The following FAM234B variants were observed in gnomAD, a reference collection of about 807,000 sequenced individuals.
FAM234B encodes the protein family with sequence similarity 234 member B, also known as protein FAM234B.
A neutral mutation model predicts 69.3 loss-of-function variants in FAM234B; 33 were observed. The ratio of observed to expected loss-of-function variants is 0.48; its 90% CI spans 0.36 to 0.64. FAM234B has a LOEUF of 0.64. Among genes scored for constraint, FAM234B ranks in the 30% least tolerant of loss-of-function variants. The probability of loss-of-function intolerance (pLI) is 0.00; values close to 1 mark genes in which losing one functional copy is unlikely to be tolerated. For missense variants in FAM234B, 697 were observed against 769.7 expected, an observed-to-expected ratio of 0.91 and a Z score of 1.12; for synonymous variants, 306 against 306.9, an observed-to-expected ratio of 1.00 and a Z score of 0.03.
Position 13,067,184 on chromosome 12 carries a change from A to G in FAM234B, c.1030A>G (p.Ile344Val). ...TATACAAGCTGTCGCACTGCGGGAC[A>G]TTTTTGTTCAGGCCCAAAATCGAGA... Reference protein sequence around the residue: ...GNIQAVALRDIFVQAQNRDSS... With the variant: ...GNIQAVALRDVFVQAQNRDSS... The change falls in exon 7 of 13, where the codon ATT becomes GTT. Residue 344 changes from isoleucine to valine, a missense_variant. Transcript: ENST00000197268. The surrounding 1 kb of genome is among the most constrained non-coding windows in gnomAD (Gnocchi z 4.7). The G allele has an allele frequency of 6.2e-7, 1 of 1,614,032 alleles. No individual in the cohort carries two copies. The highest frequency in any genetic ancestry group is 8.5e-7 in the Non-Finnish European group (1 of 1,179,920).
At chr12:13,048,774 C>A (rs985151795) in intron 1 of FAM234B, among the ~76,000 whole-genome samples, 34 of 152,132 alleles carry the variant, frequency 2.2e-4, no homozygotes, top group African/African-American at 8.2e-4. Flanking sequence ...TGAGACGAGG[C>A]AATTTATAAA....
intron 4 of FAM234B, chr12:13,062,123 A>G (rs1445185317): frequency 5.8e-6 from 1 of 171,110 alleles, no homozygotes; most frequent in East Asian, 1.6e-4. Flanking sequence ...GGCATTAACT[A>G]CTTAAAAAAA....
At position 13,079,802 on chromosome 12, in the gene FAM234B, C is replaced by T; in HGVS notation, c.1656C>T (p.Asp552=). 6.2e-7 allele frequency: 1 copy of T among 1,613,074 alleles called. No individual in the cohort carries two copies. The highest frequency in any genetic ancestry group is 1.3e-5 in the African/African-American group (1 of 74,994). The change falls in exon 12 of 13, where the codon GAC becomes GAT. Residue 552 remains aspartate (D), a synonymous_variant. Coordinates refer to ENST00000197268, the MANE Select transcript of FAM234B (RefSeq NM_020853.2). The part of the protein sequence containing the change: ...TVTASEVGIN[D]LWKDAFYVTR... ...GTCCTTCCTCAGTTGGAATTAACGA[C>T]CTCTGGAAAGATGCCTTTTATGTTA...
intron 1 of FAM234B, among the ~76,000 whole-genome samples, chr12:13,051,550 CGTTATAGAAATTGAATT>C (rs1448255236): frequency 2.0e-5 from 3 of 152,168 alleles, no homozygotes; most frequent in Admixed American, 6.5e-5. Context: ...CAAGATCTTA[CGTTATAGAAATTGAATT>C]GTTGTTTGCT....
intron 11 of FAM234B, among the ~76,000 whole-genome samples, chr12:13,076,501 T>C (rs2120507144): frequency 6.6e-6 from 1 of 152,360 alleles, no homozygotes; most frequent in South Asian, 2.1e-4. Flanking sequence ...ACTAGTTTCT[T>C]GACCCACTCA....
At position 13,068,683 on chromosome 12, in the gene FAM234B, A is replaced by G. The variant is rs753858297; in HGVS notation, c.1340A>G (p.Gln447Arg). The change falls in exon 9 of 13, where the codon CAG becomes CGG. Residue 447 changes from glutamine to arginine, a missense_variant. By Grantham distance (43) the Gln-to-Arg change is conservative (BLOSUM62 1). This residue lies in a region of FAM234B where 313 missense variants were observed against 305.5 expected (regional missense o/e 1.02). Coordinates refer to ENST00000197268, the MANE Select transcript of FAM234B (RefSeq NM_020853.2). ...TDDQTLDFLL[Q>R]IQDGVGMKKM... ...GATCAGACATTAGATTTCCTTCTGCAGATACAGGATGGAGTTGGGATGAAA... is the reference window on the plus strand; with the variant it reads ...GATCAGACATTAGATTTCCTTCTGCGGATACAGGATGGAGTTGGGATGAAA... 6.2e-7 allele frequency: 1 copy of G among 1,612,184 alleles called. No individual in the cohort carries two copies.
rs1261168669 is a variant in FAM234B, at chr12:13,055,543, A to G, written c.38-8A>G. On this transcript the variant is annotated splice_polypyrimidine_tract_variant and splice_region_variant and intron_variant, in intron 1 of 12. Coordinates refer to ENST00000197268, the MANE Select transcript of FAM234B (RefSeq NM_020853.2). The stretch of plus-strand genomic sequence containing the variant: ...TCCCCTTGACTCTCTGTTTTTCTGT[A>G]TTTTCAGGGAAGAAGAGCCCAGACC... The G allele has an allele frequency of 6.4e-7, 1 of 1,572,514 alleles. No individual in the cohort carries two copies. Among genetic ancestry groups the G allele is most frequent in the East Asian group, 2.3e-5 (1 of 44,046 alleles).
chr12:13,068,858 A>G (rs1865070862), intron 9 of FAM234B, 147 bp downstream of exon 9: 1 of 547,628 alleles, frequency 1.8e-6, no homozygotes. Flanking sequence ...AGTGGATAAA[A>G]TGAAAACTCA....
chr12:13,068,661 C>G lies in FAM234B; in HGVS notation c.1318C>G (p.Gln440Glu), dbSNP rs1865068408. ...QPTPGYFTDD[Q>E]TLDFLLQIQD... ...TACTCCTGGATATTTCACTGATGATCAGACATTAGATTTCCTTCTGCAGAT... is the reference window on the plus strand; with the variant it reads ...TACTCCTGGATATTTCACTGATGATGAGACATTAGATTTCCTTCTGCAGAT... The change falls in exon 9 of 13, where the codon CAG becomes GAG. Residue 440 changes from glutamine to glutamate, a missense_variant. This residue lies in a region of FAM234B where 313 missense variants were observed against 305.5 expected (regional missense o/e 1.02). Coordinates refer to ENST00000197268, the MANE Select transcript of FAM234B (RefSeq NM_020853.2). 6.2e-7 allele frequency: 1 copy of G among 1,612,836 alleles called. No homozygotes were observed. The highest frequency in any genetic ancestry group is 8.5e-7 in the Non-Finnish European group (1 of 1,179,038).
In FAM234B at chr12:13,077,841, C is replaced by T. The variant is rs1441123451; in HGVS notation, c.1642+1698C>T. Among the ~76,000 whole-genome samples the T allele has an allele frequency of 2.6e-4, 40 of 152,250 alleles. 1 individual carries two copies. Among genetic ancestry groups the T allele is most frequent in the Admixed American group, 5.9e-4 (9 of 15,300 alleles). On this transcript the variant is annotated intron_variant, in intron 11 of 12. Transcript: ENST00000197268. ...TTCTAGTTCTAGATCCCTGAGGAAT[C>T]GCCACACTGACTTCCACAATGGTTG...
intron 4 of FAM234B, 90 bp from the exon 5 acceptor site, chr12:13,062,755 C>G: frequency 7.0e-7 from 1 of 1,425,200 alleles, no homozygotes. Flanking sequence ...CAGCCCCTTG[C>G]GTCTTTCTTT....
In FAM234B at chr12:13,044,461, G is replaced by A; in HGVS notation, c.37+21G>A. 1 of 1,550,508 alleles carries A rather than the reference G, an allele frequency of 6.4e-7. No individual in the cohort carries two copies. The highest frequency in any genetic ancestry group is 8.7e-7 in the Non-Finnish European group (1 of 1,146,482). ...GCCGGGTAAGGAGTCGCATGCTTGC[G>A]ACCACCCAGTCCCCGCCGGTGTTGG... is the stretch of plus-strand genomic sequence containing the variant. On this transcript the variant is annotated intron_variant, in intron 1 of 12. Coordinates refer to ENST00000197268, the MANE Select transcript of FAM234B (RefSeq NM_020853.2). The surrounding 1 kb of genome is among the most constrained non-coding windows in gnomAD (Gnocchi z 5.6).
At chr12:13,063,055 A>G in intron 5 of FAM234B, 80 bp downstream of exon 5, 1 of 1,456,680 alleles carries the variant, frequency 6.9e-7, no homozygotes. Flanking sequence ...GTGTTACATT[A>G]TAAATGCTGC....
intron 1 of FAM234B, among the ~76,000 whole-genome samples, chr12:13,051,945 G>T (rs1864881384): frequency 6.6e-6 from 1 of 152,096 alleles, no homozygotes; most frequent in Non-Finnish European, 1.5e-5. Context: ...GAGCTAAAAA[G>T]AATAATTATT....
At position 13,061,624 on chromosome 12, in the gene FAM234B, C is replaced by T; in HGVS notation, c.582C>T (p.Gly194=). ...ANLVCLSGMN[G]STLWSSLLPE... is the part of the protein sequence containing the mutation. ...TTGTATGCCTTTCGGGGATGAATGGCAGCACACTGTGGTCTAGTCTTCTCC... is the reference window on the plus strand; with the variant it reads ...TTGTATGCCTTTCGGGGATGAATGGTAGCACACTGTGGTCTAGTCTTCTCC... Residue 194 remains glycine (G), a synonymous_variant, in exon 4 of 13, where the codon GGC becomes GGT. Coordinates refer to ENST00000197268, the MANE Select transcript of FAM234B (RefSeq NM_020853.2). 1.2e-6 allele frequency: 2 copies of T among 1,613,890 alleles called. No individual in the cohort carries two copies. The highest frequency in any genetic ancestry group is 1.7e-4 in the Middle Eastern group (1 of 6,058).
At position 13,051,650 on chromosome 12, in the gene FAM234B, C is replaced by T. The variant is rs975552354; in HGVS notation, c.38-3901C>T. Among the ~76,000 whole-genome samples the T allele has an allele frequency of 2.6e-5, 4 of 152,122 alleles. No individual in the cohort carries two copies. The East Asian group carries it at 5.8e-4, about 22-fold the overall frequency. On this transcript the variant is annotated intron_variant, in intron 1 of 12. Transcript: ENST00000197268. ...ACTGTACCTGGGATTGTATCTAGTT[C>T]CAAGAACCATATTTTAAAAAGCACA... is the stretch of plus-strand genomic sequence containing the variant.
Position 13,080,023 on chromosome 12 carries a change from G to A in FAM234B, c.1863+14G>A. On this transcript the variant is annotated intron_variant, in intron 12 of 12. Coordinates refer to ENST00000197268, the MANE Select transcript of FAM234B (RefSeq NM_020853.2). The stretch of plus-strand genomic sequence containing the variant: ...GCTCCCTACGAGGTGAGTGGCTGCA[G>A]AAATATTGTTCCTCTTGAGGGTTTA... 6.4e-7 allele frequency: 1 copy of A among 1,555,706 alleles called. No homozygotes were observed.
At chr12:13,074,174 A>AG (rs1865137753) in intron 10 of FAM234B, among the ~76,000 whole-genome samples, 2 of 152,322 alleles carry the variant, frequency 1.3e-5, no homozygotes, top group African/African-American at 4.8e-5. Context: ...GTGCAAAAAA[A>AG]ATTTTGAAGT....
At chr12:13,046,643 A>G (rs1188215362) in intron 1 of FAM234B, among the ~76,000 whole-genome samples, 1 of 152,058 alleles carries the variant, frequency 6.6e-6, no homozygotes, top group African/African-American at 2.4e-5. Context: ...TATTTTTAGT[A>G]GAGACAGGGT....
Sources: allele counts gnomAD v4.1 joint callset (sites outside exome capture counted in the v4.1 genomes callset), GRCh38; gene constraint gnomAD v4.1.1; regional missense constraint gnomAD v4.1.1; non-coding constraint Gnocchi (gnomAD v3.1); transcripts MANE v1.5; gene names NCBI Gene and HGNC (gene_info 2026-07-23, HGNC 2026-07-21).